Variants in LCORL observed in about 807,000 individuals in gnomAD.
The protein encoded by LCORL is ligand dependent nuclear receptor corepressor like, also known as ligand-dependent nuclear receptor corepressor-like protein.
Under a neutral mutation model 141.8 loss-of-function variants are expected in LCORL, and 41 were observed. The observed-to-expected ratio is 0.29, with a 90% CI of 0.23 to 0.38. LCORL has a LOEUF of 0.38. Ranked by LOEUF, LCORL falls within the 10% of genes least tolerant of loss-of-function variation. The probability of loss-of-function intolerance (pLI) is 1.00; values close to 1 mark genes in which losing one functional copy is unlikely to be tolerated. For missense variants in LCORL, 1,759 were observed against 2,035.0 expected, an observed-to-expected ratio of 0.86 and a Z score of 2.61; for synonymous variants, 618 against 694.1, an observed-to-expected ratio of 0.89 and a Z score of 1.72.
In LCORL at chr4:17,842,757, G is replaced by A. The variant is rs73802706; in HGVS notation, c.*3131C>T. 8.1e-3 allele frequency: 1,406 copies of A among 174,490 alleles called. 24 individuals are homozygous for A. The highest frequency in any genetic ancestry group is 0.031 in the African/African-American group (1,293 of 41,706). 10.8% of individuals were successfully genotyped at this position (174,490 alleles called of 1,614,324 possible). A position where few individuals can be genotyped will look rare whatever the true frequency, so the allele number is the denominator to read the frequency against. ...TAATTTGGGTATATTGTGTGGTAGA[G>A]TGTTTTATTTTTGGCTTCTGTCAGT... On this transcript the variant is annotated 3_prime_UTR_variant, in exon 8 of 8. Coordinates refer to ENST00000635767, the Ensembl canonical transcript of LCORL.
In LCORL at chr4:17,907,183, C is replaced by T. The variant is rs1402385347; in HGVS notation, c.682+1911G>A. Among the ~76,000 whole-genome samples the T allele has an allele frequency of 2.0e-5, 3 of 152,260 alleles. No individual in the cohort carries two copies. The East Asian group carries it at 5.8e-4, about 29-fold the overall frequency. Reference sequence around the variant, plus strand: ...ACCATTCACAGAAAACTCAGTCCTACGTTACTGTAACAGCCATACAAGTAT... The same window carrying T: ...ACCATTCACAGAAAACTCAGTCCTATGTTACTGTAACAGCCATACAAGTAT... On this transcript the variant is annotated intron_variant, in intron 5 of 7. Transcript: ENST00000635767.
At chr4:17,924,722 G>A (rs1734845833) in intron 4 of LCORL, among the ~76,000 whole-genome samples, 1 of 152,188 alleles carries the variant, frequency 6.6e-6, no homozygotes, top group South Asian at 2.1e-4. Flanking sequence ...AGCTAAAGAA[G>A]TGAAGCAGTG....
chr4:17,873,847 A>C (rs1285528632), exon 7 of LCORL: 2 of 1,233,910 alleles, frequency 1.6e-6, no homozygotes, highest in African/African-American at 3.1e-5. Flanking sequence ...CTATTAGGAC[A>C]TACATTTTCT....
At chr4:18,018,638 T>A (rs920337443) in intron 1 of LCORL, among the ~76,000 whole-genome samples, 1 of 152,170 alleles carries the variant, frequency 6.6e-6, no homozygotes, top group East Asian at 1.9e-4. Context: ...AAAATTAGAA[T>A]ATTATATGAG....
intron 7 of LCORL, among the ~76,000 whole-genome samples, chr4:17,847,267 C>T (rs1723043231): frequency 6.6e-6 from 1 of 152,198 alleles, no homozygotes; most frequent in Non-Finnish European, 1.5e-5. Context: ...CCAACTGTAG[C>T]TCTACAAGTC....
intron 5 of LCORL, among the ~76,000 whole-genome samples, chr4:17,897,933 G>A (rs922231183): frequency 2.0e-5 from 3 of 152,098 alleles, no homozygotes; most frequent in Admixed American, 6.5e-5. Flanking sequence ...CTGAGTTTTC[G>A]TTGCTTATAG....
intron 7 of LCORL, among the ~76,000 whole-genome samples, chr4:17,853,637 C>A (rs1263716816): frequency 6.6e-6 from 1 of 152,112 alleles, no homozygotes; most frequent in African/African-American, 2.4e-5. Context: ...AATCTGAACT[C>A]ATCTATTTAA....
chr4:17,873,480 G>T, exon 7 of LCORL: 2 of 1,233,406 alleles, frequency 1.6e-6, no homozygotes, highest in South Asian at 8.2e-5. Flanking sequence ...CTTCCATGGT[G>T]GTCTTTTTCT....
intron 5 of LCORL, among the ~76,000 whole-genome samples, chr4:17,900,114 T>G (rs1028530131): frequency 2.6e-5 from 4 of 152,158 alleles, no homozygotes; most frequent in Non-Finnish European, 5.9e-5. Flanking sequence ...TTTATATACC[T>G]AATAATTAAG....
chr4:17,909,471 G>GT, intron 4 of LCORL, 126 bp from the exon 5 acceptor site: 1 of 554,352 alleles, frequency 1.8e-6, no homozygotes, highest in South Asian at 3.9e-5. Flanking sequence ...AACTCCCAAT[G>GT]TTTTCTGGGA....
At chr4:17,842,459 G>C (rs1722504589) in exon 8 of LCORL, 2 of 1,098,086 alleles carry the variant, frequency 1.8e-6, no homozygotes, top group Non-Finnish European at 2.8e-6. Context: ...TAATTTTCTT[G>C]CGAATGAGAG....
At chr4:18,018,217 A>C (rs1196498624) in intron 1 of LCORL, among the ~76,000 whole-genome samples, 1 of 152,138 alleles carries the variant, frequency 6.6e-6, no homozygotes, top group Non-Finnish European at 1.5e-5. Flanking sequence ...TCAAATGCTA[A>C]TTATATTATA....
At chr4:17,989,102 T>C (rs1719534217) in intron 1 of LCORL, among the ~76,000 whole-genome samples, 2 of 152,372 alleles carry the variant, frequency 1.3e-5, no homozygotes, top group South Asian at 2.1e-4. Context: ...AGTATATCTA[T>C]AGATTCTCTT....
chr4:17,934,551 C>T (rs1463353633), intron 4 of LCORL, among the ~76,000 whole-genome samples: 5 of 152,202 alleles, frequency 3.3e-5, no homozygotes, highest in African/African-American at 1.2e-4. Flanking sequence ...GATGTTGATA[C>T]ATGCTTTAGA....
intron 7 of LCORL, among the ~76,000 whole-genome samples, chr4:17,863,035 G>T (rs908884439): frequency 5.9e-5 from 9 of 152,312 alleles, no homozygotes; most frequent in South Asian, 4.1e-4. Context: ...GGGCAAAGGG[G>T]TCGGGCATGG....
chr4:17,995,046 T>C (rs1720684292), intron 1 of LCORL, among the ~76,000 whole-genome samples: 1 of 152,090 alleles, frequency 6.6e-6, no homozygotes, highest in African/African-American at 2.4e-5. Flanking sequence ...ATAATTATCT[T>C]TCCTCACATC....
chr4:18,002,196 C>T (rs762378558), intron 1 of LCORL, among the ~76,000 whole-genome samples: 12 of 152,122 alleles, frequency 7.9e-5, no homozygotes, highest in Non-Finnish European at 1.3e-4. Context: ...AATTTGGTGG[C>T]TCTACAAGAT....
chr4:17,850,147 C>T (rs1320373817), intron 7 of LCORL, among the ~76,000 whole-genome samples: 6 of 145,292 alleles, frequency 4.1e-5, no homozygotes, highest in Non-Finnish European at 9.1e-5. Flanking sequence ...GGATTAAAGA[C>T]TTAAACGTTA....
intron 4 of LCORL, among the ~76,000 whole-genome samples, chr4:17,948,498 G>T (rs1739235833): frequency 6.6e-6 from 1 of 152,058 alleles, no homozygotes; most frequent in Non-Finnish European, 1.5e-5. Context: ...AAATTTTCCA[G>T]TGTTATACAT....
Sources: gnomAD v4.1 joint callset for allele counts (sites outside exome capture counted in the v4.1 genomes callset) on GRCh38, gnomAD v4.1.1 for gene constraint, MANE v1.5 for transcripts, NCBI Gene and HGNC (gene_info 2026-07-23, HGNC 2026-07-21) for gene names.